NRXN1: variants seen among roughly 807,000 people sequenced by gnomAD.
NRXN1 encodes the protein neurexin-1.
Under a neutral mutation model 150.9 loss-of-function variants are expected in NRXN1, and 39 were observed. The observed-to-expected ratio is 0.26, with a 90% CI of 0.20 to 0.34. The LOEUF is 0.34. NRXN1 is among the 10% of genes least tolerant of loss of function. The pLI is 1.00. For missense variants in NRXN1, 1,815 were observed against 1,949.9 expected, an observed-to-expected ratio of 0.93 and a Z score of 1.30; for synonymous variants, 924 against 757.0, an observed-to-expected ratio of 1.22 and a Z score of -3.62.
chr2:50,249,507 T>C (rs146511532), intron 17 of NRXN1, among the ~76,000 whole-genome samples: 6 of 152,202 alleles, frequency 3.9e-5, no homozygotes, highest in African/African-American at 1.4e-4. Flanking sequence ...ACTCAATAAA[T>C]ACTAATTAAG....
intron 5 of NRXN1, among the ~76,000 whole-genome samples, chr2:50,888,093 C>T (rs965371912): frequency 8.6e-5 from 13 of 151,446 alleles, no homozygotes. Context: ...CTTTCAAGAT[C>T]AGTACAGTGT....
chr2:50,704,116 C>G (rs1178087431), intron 5 of NRXN1, among the ~76,000 whole-genome samples: 2 of 151,902 alleles, frequency 1.3e-5, no homozygotes, highest in Non-Finnish European at 2.9e-5. Flanking sequence ...TAAACTGGAT[C>G]AGATTCTAGA....
chr2:50,477,741 A>C (rs1290373321), intron 15 of NRXN1, among the ~76,000 whole-genome samples: 2 of 152,212 alleles, frequency 1.3e-5, no homozygotes, highest in Non-Finnish European at 2.9e-5. Flanking sequence ...AACTCCAGGA[A>C]ATATGAAGGA....
intron 21 of NRXN1, among the ~76,000 whole-genome samples, chr2:49,968,182 T>A (rs1308374410): frequency 6.6e-6 from 1 of 150,802 alleles, no homozygotes; most frequent in Non-Finnish European, 1.5e-5. Flanking sequence ...GGAAGTAGAA[T>A]AAGGCAAACA....
intron 5 of NRXN1, among the ~76,000 whole-genome samples, chr2:50,888,202 A>AC (rs1680548684): frequency 6.6e-6 from 1 of 151,650 alleles, no homozygotes; most frequent in African/African-American, 2.4e-5. Context: ...CCCAAACATT[A>AC]AAACAACAAA....
At chr2:50,967,188 C>T (rs760710914) in intron 2 of NRXN1, among the ~76,000 whole-genome samples, 13 of 151,848 alleles carry the variant, frequency 8.6e-5, no homozygotes, top group Non-Finnish European at 1.8e-4. Context: ...ACTTCAGATA[C>T]ATAAATTTCT....
chr2:50,561,312 T>C (rs1669043363), intron 8 of NRXN1, among the ~76,000 whole-genome samples: 1 of 152,242 alleles, frequency 6.6e-6, no homozygotes, highest in East Asian at 1.9e-4. Flanking sequence ...TTATGTCTAT[T>C]TTTCTCACAT....
At chr2:50,649,589 T>C (rs974155088) in intron 5 of NRXN1, among the ~76,000 whole-genome samples, 1 of 152,014 alleles carries the variant, frequency 6.6e-6, no homozygotes, top group Admixed American at 6.6e-5. Context: ...CCTCTTTGCT[T>C]GAGGGTGGAT....
chr2:50,253,857 A>G (rs2067413409), intron 17 of NRXN1, among the ~76,000 whole-genome samples: 1 of 131,478 alleles, frequency 7.6e-6, no homozygotes. Context: ...CATCCAGGAT[A>G]TTGACCTGAA....
At chr2:50,944,106 T>C (rs1160709961) in intron 2 of NRXN1, among the ~76,000 whole-genome samples, 1 of 152,158 alleles carries the variant, frequency 6.6e-6, no homozygotes, top group Admixed American at 6.5e-5. Context: ...TATTTTAGAA[T>C]TGTTTTTTCA....
At chr2:50,476,423 C>T (rs1012993462) in intron 15 of NRXN1, among the ~76,000 whole-genome samples, 5 of 151,976 alleles carry the variant, frequency 3.3e-5, no homozygotes, top group African/African-American at 1.2e-4. Context: ...TACATAACTT[C>T]TTTAAGAGTC....
At chr2:50,013,250 T>A (rs1256489277) in intron 21 of NRXN1, among the ~76,000 whole-genome samples, 1 of 148,828 alleles carries the variant, frequency 6.7e-6, no homozygotes, top group Non-Finnish European at 1.5e-5. Context: ...TTTTGTGTTG[T>A]TGAGATATTA....
intron 21 of NRXN1, among the ~76,000 whole-genome samples, chr2:50,027,294 CCCTT>C (rs1366140849): frequency 2.0e-5 from 3 of 150,220 alleles, no homozygotes; most frequent in African/African-American, 7.4e-5. Flanking sequence ...CTCGCTCCCT[CCCTT>C]CCTTCCTTCT....
intron 18 of NRXN1, among the ~76,000 whole-genome samples, chr2:50,160,576 C>T: frequency 6.6e-6 from 1 of 151,696 alleles, no homozygotes; most frequent in Non-Finnish European, 1.5e-5. Flanking sequence ...ACAAAAATGA[C>T]AGGTCAGTAA....
At chr2:50,666,281 T>A (rs1164963614) in intron 5 of NRXN1, among the ~76,000 whole-genome samples, 1 of 151,950 alleles carries the variant, frequency 6.6e-6, no homozygotes, top group Non-Finnish European at 1.5e-5. Flanking sequence ...TATGCCATAT[T>A]AGTCTATGCA....
chr2:50,176,086 T>TG (rs1298275400), intron 18 of NRXN1, among the ~76,000 whole-genome samples: 1 of 152,132 alleles, frequency 6.6e-6, no homozygotes, highest in East Asian at 1.9e-4. Flanking sequence ...AAGCTATGAC[T>TG]TCTAGTATTA....
intron 12 of NRXN1, among the ~76,000 whole-genome samples, chr2:50,518,180 G>C (rs960044111): frequency 1.3e-5 from 2 of 151,926 alleles, no homozygotes; most frequent in Non-Finnish European, 2.9e-5. Flanking sequence ...CAGTAAAAAT[G>C]AACACAAATT....
intron 18 of NRXN1, among the ~76,000 whole-genome samples, chr2:50,181,608 A>G (rs1004064894): frequency 3.3e-5 from 5 of 152,110 alleles, no homozygotes; most frequent in Admixed American, 3.3e-4. Context: ...AATTTTGGCC[A>G]TTTACAGCTG....
chr2:50,173,994 C>T (rs1215958606), intron 18 of NRXN1, among the ~76,000 whole-genome samples: 1 of 151,942 alleles, frequency 6.6e-6, no homozygotes, highest in Non-Finnish European at 1.5e-5. Flanking sequence ...TGGATCCTAC[C>T]ACAAGTCCTC....
Sources: gnomAD v4.1 joint callset for allele counts (sites outside exome capture counted in the v4.1 genomes callset) on GRCh38, gnomAD v4.1.1 for gene constraint, MANE v1.5 for transcripts, NCBI Gene and HGNC (gene_info 2026-07-23, HGNC 2026-07-21) for gene names.